ARID2: variants seen among roughly 807,000 people sequenced by gnomAD.
ARID2 encodes AT-rich interaction domain 2.
ARID2 carries 32 observed loss-of-function variants against 184.6 expected under a neutral mutation model. That is an observed-to-expected ratio of 0.17 (90% CI 0.13 to 0.23). The LOEUF (loss-of-function observed/expected upper bound fraction) is 0.23, where lower values mean the gene tolerates loss of function less well. ARID2 is among the 10% of genes least tolerant of loss of function. ARID2 has a pLI of 1.00. For missense variants in ARID2, 1,696 were observed against 2,197.6 expected, an observed-to-expected ratio of 0.77 and a Z score of 4.56; for synonymous variants, 836 against 772.6, an observed-to-expected ratio of 1.08 and a Z score of -1.36.
rs759588197 is a variant in ARID2 at position 45,904,976 on chromosome 12, T to C, written c.5406T>C (p.Ile1802=). Residue 1802 remains isoleucine (I), a synonymous_variant, in exon 21 of 21, where the codon ATT becomes ATC. Transcript: ENST00000334344. Reference sequence around the variant, plus strand: ...AAAATAACTTATCAGTGCTAGCCATTAGTAACATGGAAGCTTCCTCCACCC... The same window carrying C: ...AAAATAACTTATCAGTGCTAGCCATCAGTAACATGGAAGCTTCCTCCACCC... ...RHENNLSVLA[I]SNMEASSTLA... The C allele has an allele frequency of 8.7e-6, 14 of 1,613,900 alleles. No individual in the cohort carries two copies. In the Admixed American group the frequency reaches 2.3e-4, roughly 27 times the overall value.
intron 3 of ARID2, among the ~76,000 whole-genome samples, chr12:45,801,225 T>C (rs1942493632): frequency 6.7e-6 from 1 of 150,214 alleles, no homozygotes; most frequent in Admixed American, 6.7e-5. Context: ...GGCAGGAGAA[T>C]GGCGTGAACC....
rs201532081 is a variant in ARID2, at chr12:45,839,372, C to T, written c.1374C>T (p.Gly458=). 6.2e-6 allele frequency: 10 copies of T among 1,613,664 alleles called. No individual in the cohort carries two copies. The Admixed American group carries it at 1.7e-4, about 27-fold the overall frequency. The change falls in exon 11 of 21, where the codon GGC becomes GGT. Residue 458 remains glycine, a synonymous_variant. Transcript: ENST00000334344. Reference sequence around the variant, plus strand: ...TTTCTATGGATATTCAGATGTTTGGCCCTGATGCACTAGCTGCGGTAAAAC... The same window carrying T: ...TTTCTATGGATATTCAGATGTTTGGTCCTGATGCACTAGCTGCGGTAAAAC... ...CLVSMDIQMF[G]PDALAAVKLI... is the part of the protein sequence containing the mutation.
intron 3 of ARID2, among the ~76,000 whole-genome samples, chr12:45,764,927 G>C (rs893047969): frequency 6.6e-6 from 1 of 152,168 alleles, no homozygotes; most frequent in African/African-American, 2.4e-5. Flanking sequence ...CTGCTAAACT[G>C]TTTTTGAGAA....
At chr12:45,885,166 A>G (rs1944166319) in intron 16 of ARID2, among the ~76,000 whole-genome samples, 1 of 151,464 alleles carries the variant, frequency 6.6e-6, no homozygotes, top group South Asian at 2.1e-4. Flanking sequence ...GAATTTTAGC[A>G]GCTTGTTACT....
intron 11 of ARID2, among the ~76,000 whole-genome samples, chr12:45,843,841 C>G (rs904936827): frequency 5.5e-4 from 83 of 152,190 alleles, no homozygotes; most frequent in African/African-American, 2.0e-3. Context: ...TTTTTATTAA[C>G]AAAAGTCTCT....
chr12:45,869,083 G>A (rs1421709294), intron 16 of ARID2, among the ~76,000 whole-genome samples: 5 of 151,824 alleles, frequency 3.3e-5, no homozygotes, highest in Admixed American at 6.6e-5. Flanking sequence ...ACATTGGCAA[G>A]ATGTTGGCTC....
At chr12:45,797,073 C>T (rs939423895) in intron 3 of ARID2, among the ~76,000 whole-genome samples, 1 of 152,040 alleles carries the variant, frequency 6.6e-6, no homozygotes, top group Non-Finnish European at 1.5e-5. Flanking sequence ...AAAATCATGT[C>T]ATTGCTCATT....
At chr12:45,754,265 T>C (rs531680647) in intron 3 of ARID2, among the ~76,000 whole-genome samples, 1 of 152,342 alleles carries the variant, frequency 6.6e-6, no homozygotes, top group African/African-American at 2.4e-5. Flanking sequence ...TGGCTCTCTA[T>C]TGCTAAAGAA....
intron 15 of ARID2, among the ~76,000 whole-genome samples, chr12:45,856,871 C>T (rs1022373500): frequency 3.1e-4 from 47 of 152,092 alleles, no homozygotes; most frequent in African/African-American, 1.1e-3. Flanking sequence ...TTATTGGTAA[C>T]TGCTTATTTC....
chr12:45,828,396 T>C (rs2138110251), intron 6 of ARID2, among the ~76,000 whole-genome samples: 1 of 152,226 alleles, frequency 6.6e-6, no homozygotes, highest in South Asian at 2.1e-4. Context: ...TATTTCCAGG[T>C]TGGACACAAA....
At chr12:45,777,959 A>C (rs534233995) in intron 3 of ARID2, among the ~76,000 whole-genome samples, 95 of 152,164 alleles carry the variant, frequency 6.2e-4, no homozygotes, top group Middle Eastern at 3.5e-3. Flanking sequence ...TAATCCCAGC[A>C]CTTTGGGAGG....
chr12:45,860,241 C>T (rs1384426548), intron 15 of ARID2, among the ~76,000 whole-genome samples: 1 of 152,156 alleles, frequency 6.6e-6, no homozygotes, highest in African/African-American at 2.4e-5. Context: ...AACAAAAATA[C>T]ATAATTGAGC....
intron 16 of ARID2, among the ~76,000 whole-genome samples, chr12:45,867,202 G>A (rs1412152326): frequency 2.0e-5 from 3 of 151,794 alleles, no homozygotes; most frequent in Admixed American, 1.3e-4. Context: ...ACCCACCTTG[G>A]CCTCCCAAAG....
intron 16 of ARID2, among the ~76,000 whole-genome samples, chr12:45,868,452 A>G (rs1943865371): frequency 6.6e-6 from 1 of 152,144 alleles, no homozygotes; most frequent in South Asian, 2.1e-4. Context: ...AAGAGGAAAA[A>G]AAGAAGGATA....
intron 3 of ARID2, among the ~76,000 whole-genome samples, chr12:45,740,655 A>G (rs1412812495): frequency 1.3e-5 from 2 of 152,144 alleles, no homozygotes; most frequent in Admixed American, 6.5e-5. Flanking sequence ...TGTATTCTCT[A>G]TTATGTAGAC....
At position 45,846,842 on chromosome 12, in the gene ARID2, A is replaced by AT. The variant is rs889240653; in HGVS notation, c.1499-7dup. The AT allele has an allele frequency of 6.2e-7, 1 of 1,611,488 alleles. No homozygotes were observed. The highest frequency in any genetic ancestry group is 1.1e-5 in the South Asian group (1 of 90,766). The stretch of plus-strand genomic sequence containing the variant: ...TTTTAAGAAATGATGTAGCTAATGT[A>AT]TTTTTTTCTTTAGCTTCCAGAGCAG... On this transcript the variant is annotated splice_polypyrimidine_tract_variant and intron_variant, in intron 11 of 20. Transcript: ENST00000334344.
At chr12:45,776,466 A>G (rs1006052192) in intron 3 of ARID2, 1 of 152,232 alleles carries the variant, frequency 6.6e-6, no homozygotes, top group African/African-American at 2.4e-5. Flanking sequence ...AGTTTGAGAA[A>G]TATTATTTCA....
chr12:45,833,945 A>G (rs1258069328), intron 6 of ARID2, among the ~76,000 whole-genome samples: 2 of 152,158 alleles, frequency 1.3e-5, no homozygotes, highest in Non-Finnish European at 2.9e-5. Context: ...ATTTGCTCTC[A>G]TATTCTAGCC....
intron 6 of ARID2, among the ~76,000 whole-genome samples, chr12:45,822,125 A>G (rs958896738): frequency 1.3e-5 from 2 of 152,152 alleles, no homozygotes; most frequent in Non-Finnish European, 2.9e-5. Context: ...AAAACTCATG[A>G]GATACATTCA....
Sources: gnomAD v4.1 joint callset for allele counts (sites outside exome capture counted in the v4.1 genomes callset) on GRCh38, gnomAD v4.1.1 for gene constraint, MANE v1.5 for transcripts, NCBI Gene and HGNC (gene_info 2026-07-23, HGNC 2026-07-21) for gene names.